DRC8: variants seen among roughly 807,000 people sequenced by gnomAD.
DRC8 encodes the protein dynein regulatory complex protein 8.
the DRC8 span, among the ~76,000 whole-genome samples, chr1:245,051,195 G>T: frequency 1.3e-5 from 2 of 151,786 alleles, no homozygotes; most frequent in Non-Finnish European, 2.9e-5. Flanking sequence ...TTCAAGACCA[G>T]CCTGGGCAAC....
At chr1:245,048,763 A>G in the DRC8 span, among the ~76,000 whole-genome samples, 4 of 152,068 alleles carry the variant, frequency 2.6e-5, no homozygotes, top group Admixed American at 2.0e-4. Context: ...TTGCTAGACT[A>G]TTTGAGAGTA....
At chr1:245,052,487 C>A in the DRC8 span, among the ~76,000 whole-genome samples, 2 of 152,170 alleles carry the variant, frequency 1.3e-5, no homozygotes, top group Non-Finnish European at 2.9e-5. Context: ...CGCAGCCAAC[C>A]CGCAGGATGG....
chr1:245,021,679 G>A, the DRC8 span, among the ~76,000 whole-genome samples: 28 of 151,744 alleles, frequency 1.8e-4, no homozygotes, highest in African/African-American at 2.9e-4. Context: ...CAAGTCATCC[G>A]CCTGCCTCAG....
the DRC8 span, among the ~76,000 whole-genome samples, chr1:244,984,574 C>G: frequency 3.3e-5 from 5 of 152,264 alleles, no homozygotes; most frequent in African/African-American, 9.6e-5. Flanking sequence ...GTGGCTCACA[C>G]CTGTAATCCC....
At chr1:245,106,453 C>T in the DRC8 span, among the ~76,000 whole-genome samples, 4 of 151,874 alleles carry the variant, frequency 2.6e-5, no homozygotes, top group Admixed American at 1.3e-4. Flanking sequence ...ATAACTCTTC[C>T]CTATGTTAAA....
chr1:245,002,425 C>T, the DRC8 span, among the ~76,000 whole-genome samples: 1 of 152,178 alleles, frequency 6.6e-6, no homozygotes, highest in South Asian at 2.1e-4. Context: ...ATGTGTCTTA[C>T]TAAAAAAACT....
At chr1:245,022,976 C>T in the DRC8 span, 1 of 152,130 alleles carries the variant, frequency 6.6e-6, no homozygotes, top group Non-Finnish European at 1.5e-5. Flanking sequence ...TCTTAGGTGC[C>T]TCATATATCA....
the DRC8 span, among the ~76,000 whole-genome samples, chr1:245,065,368 T>TC: frequency 6.6e-6 from 1 of 152,140 alleles, no homozygotes; most frequent in African/African-American, 2.4e-5. Context: ...TTCTTATTTT[T>TC]CACTTATTTT....
chr1:245,113,023 G>A, the DRC8 span, among the ~76,000 whole-genome samples: 1 of 152,120 alleles, frequency 6.6e-6, no homozygotes, highest in African/African-American at 2.4e-5. Flanking sequence ...CAAAGTGTTG[G>A]GATTACAGGC....
the DRC8 span, among the ~76,000 whole-genome samples, chr1:244,977,573 T>G: frequency 6.6e-6 from 1 of 152,134 alleles, no homozygotes; most frequent in Non-Finnish European, 1.5e-5. Context: ...TCTGTTGGCT[T>G]TGGAGCCCCC....
At chr1:244,970,586 C>T in the DRC8 span, 1 of 1,056,590 alleles carries the variant, frequency 9.5e-7, no homozygotes, top group Non-Finnish European at 1.3e-6. Flanking sequence ...GGGGGCCACC[C>T]GGCAGCAGCA....
At chr1:245,043,802 C>G in the DRC8 span, 1 of 152,072 alleles carries the variant, frequency 6.6e-6, no homozygotes, top group Non-Finnish European at 1.5e-5. Flanking sequence ...GGAGCCAGAC[C>G]GTGCCGACTT....
chr1:245,124,247 G>T, the DRC8 span: 1 of 153,378 alleles, frequency 6.5e-6, no homozygotes, highest in East Asian at 1.9e-4. Flanking sequence ...CTGTTGGCCA[G>T]TGAATAAGGT....
chr1:245,047,739 A>G, the DRC8 span, among the ~76,000 whole-genome samples: 2 of 152,110 alleles, frequency 1.3e-5, no homozygotes, highest in Non-Finnish European at 2.9e-5. Context: ...TGGAAGGCCA[A>G]AGCAGGTGGA....
chr1:245,104,287 T>C, the DRC8 span, among the ~76,000 whole-genome samples: 1 of 152,194 alleles, frequency 6.6e-6, no homozygotes, highest in African/African-American at 2.4e-5. Flanking sequence ...GCAGATCACC[T>C]GAGGTTAGGA....
the DRC8 span, among the ~76,000 whole-genome samples, chr1:245,109,577 C>A: frequency 6.6e-6 from 1 of 152,228 alleles, no homozygotes; most frequent in East Asian, 1.9e-4. Flanking sequence ...ATAATACTGG[C>A]CGCACGTACT....
the DRC8 span, among the ~76,000 whole-genome samples, chr1:245,037,380 A>G: frequency 1.3e-5 from 2 of 152,224 alleles, no homozygotes; most frequent in Non-Finnish European, 2.9e-5. Flanking sequence ...TCTGTGAAGA[A>G]AAATCATAGG....
chr1:244,989,305 T>G, the DRC8 span, among the ~76,000 whole-genome samples: 1 of 152,228 alleles, frequency 6.6e-6, no homozygotes. Flanking sequence ...TGTCCTTTTC[T>G]GCTCCGGAGT....
chr1:245,069,671 G>T, the DRC8 span, among the ~76,000 whole-genome samples: 9 of 152,112 alleles, frequency 5.9e-5, no homozygotes, highest in East Asian at 1.7e-3. Flanking sequence ...TTTCAGTTTT[G>T]CAAGATGAAG....
Sources: gnomAD v4.1 joint callset for allele counts (sites outside exome capture counted in the v4.1 genomes callset) on GRCh38, gnomAD v4.1.1 for gene constraint, MANE v1.5 for transcripts, NCBI Gene and HGNC (gene_info 2026-07-23, HGNC 2026-07-21) for gene names.